Variants in NBAS observed in about 807,000 individuals in gnomAD.
The protein encoded by NBAS is NAG/BC035112 fusion.
A neutral mutation model predicts 302.5 loss-of-function variants in NBAS; 219 were observed. That is an observed-to-expected ratio of 0.72 (90% CI 0.65 to 0.81). The LOEUF (loss-of-function observed/expected upper bound fraction) is 0.81, where lower values mean the gene tolerates loss of function less well. NBAS is among the 30% of genes least tolerant of loss of function. The pLI is 0.00. For synonymous variants in NBAS, 1,118 were observed against 1,021.6 expected (o/e 1.09, Z -1.80); for missense variants, 2,932 against 2,841.6 (o/e 1.03, Z -0.72).
the NBAS span, among the ~76,000 whole-genome samples, chr2:15,025,592 T>C: frequency 6.6e-6 from 1 of 152,216 alleles, no homozygotes; most frequent in Non-Finnish European, 1.5e-5. Context: ...TTCTTATCCA[T>C]GAGGATGGAA....
At chr2:15,168,074 T>C (rs2125096426) in intron 51 of NBAS, among the ~76,000 whole-genome samples, 1 of 152,348 alleles carries the variant, frequency 6.6e-6, no homozygotes, top group South Asian at 2.1e-4. Flanking sequence ...TAAATATATG[T>C]ATTATTTTCA....
the NBAS span, among the ~76,000 whole-genome samples, chr2:14,993,568 A>G: frequency 1.3e-5 from 2 of 152,236 alleles, no homozygotes; most frequent in African/African-American, 2.4e-5. Flanking sequence ...AATTGGTCCA[A>G]ATAATTTTGA....
chr2:14,955,301 T>C, the NBAS span, among the ~76,000 whole-genome samples: 1 of 152,212 alleles, frequency 6.6e-6, no homozygotes, highest in East Asian at 1.9e-4. Context: ...CCCTGTGGCT[T>C]TGCAGCATAC....
the NBAS span, among the ~76,000 whole-genome samples, chr2:14,889,177 T>C: frequency 6.6e-6 from 1 of 152,208 alleles, no homozygotes. Context: ...CTTGATAATG[T>C]GTTTTGATGG....
At chr2:14,941,619 G>A in the NBAS span, among the ~76,000 whole-genome samples, 2 of 152,196 alleles carry the variant, frequency 1.3e-5, no homozygotes, top group African/African-American at 4.8e-5. Flanking sequence ...GGTGACTGCT[G>A]TTCAGGCTGC....
chr2:15,068,470 G>C, the NBAS span, among the ~76,000 whole-genome samples: 1 of 152,210 alleles, frequency 6.6e-6, no homozygotes, highest in African/African-American at 2.4e-5. Flanking sequence ...TCTAGACCAG[G>C]ATGAGAGGCA....
Position 15,473,968 on chromosome 2 carries a change from C to T in NBAS, c.1599+99G>A, listed in dbSNP as rs373918474. 3.7e-5 allele frequency: 52 copies of T among 1,403,642 alleles called. No individual in the cohort carries two copies. In the African/African-American group the frequency reaches 5.2e-4, roughly 14 times the overall value. The allele number at this position is 1,403,642 out of a possible 1,614,324, so 86.9% of individuals were successfully genotyped here. On this transcript the variant is annotated intron_variant, in intron 15 of 51. Transcript: ENST00000281513. ...TTTAACATGTCAATGATCCAACATC[C>T]CTCTTGAAATTTTCTCCTTTATTAA...
chr2:15,134,179 G>A, the NBAS span, among the ~76,000 whole-genome samples: 4 of 151,960 alleles, frequency 2.6e-5, no homozygotes, highest in Admixed American at 2.6e-4. Context: ...GCCTTTGGGG[G>A]ATGATAAGAT....
intron 21 of NBAS, among the ~76,000 whole-genome samples, chr2:15,452,324 G>A (rs59135666): frequency 0.61 from 91,979 of 152,002 alleles, 28,821 homozygotes; most frequent in Non-Finnish European, 0.68. Context: ...GGATGGGCAC[G>A]GTGGCTCACG....
At chr2:15,430,701 A>G (rs1279958160) in intron 21 of NBAS, among the ~76,000 whole-genome samples, 1 of 152,242 alleles carries the variant, frequency 6.6e-6, no homozygotes, top group Admixed American at 6.5e-5. Flanking sequence ...AACTGCCTGT[A>G]GAAAGGACAT....
rs1553349166 is a variant in NBAS at position 15,237,608 on chromosome 2, T to TTATTTATC, written c.5943+859_5943+860insGATAAATA. 6.4e-4 allele frequency among the ~76,000 whole-genome samples: 86 copies of TTATTTATC among 134,216 alleles called. 1 individual carries two copies. The highest frequency in any genetic ancestry group is 2.1e-3 in the Admixed American group (28 of 13,422). 88.1% of individuals were successfully genotyped at this position (134,216 alleles called of 152,430 possible). On this transcript the variant is annotated intron_variant, in intron 45 of 51. Transcript: ENST00000281513. ...TTTATTTATTTATTTATTTATTTAT[T>TTATTTATC]TATCTGAGACAGAGTCTCGCTCTGT...
chr2:15,079,844 T>C, the NBAS span, among the ~76,000 whole-genome samples: 3 of 152,200 alleles, frequency 2.0e-5, no homozygotes, highest in Non-Finnish European at 2.9e-5. Flanking sequence ...AGCTAGTTTC[T>C]AGCTCCAAAG....
the NBAS span, among the ~76,000 whole-genome samples, chr2:15,034,028 AGG>A: frequency 0.074 from 2,023 of 27,478 alleles, 72 homozygotes; most frequent in East Asian, 0.34. Flanking sequence ...GAAGAAGAAG[AGG>A]AGGAGGAAGG....
chr2:14,989,466 G>A, the NBAS span, among the ~76,000 whole-genome samples: 1 of 152,152 alleles, frequency 6.6e-6, no homozygotes, highest in East Asian at 1.9e-4. Context: ...TCTGAGGCAG[G>A]AGAATCGCCT....
the NBAS span, among the ~76,000 whole-genome samples, chr2:14,949,795 G>T: frequency 6.6e-6 from 1 of 152,144 alleles, no homozygotes; most frequent in Non-Finnish European, 1.5e-5. Flanking sequence ...GCCAAGTACA[G>T]AAAGGCAAAT....
chr2:15,355,204 C>T (rs1296255907), intron 33 of NBAS, among the ~76,000 whole-genome samples: 1 of 152,140 alleles, frequency 6.6e-6, no homozygotes, highest in East Asian at 1.9e-4. Context: ...TTAACCACTC[C>T]CTAATTAATG....
the NBAS span, among the ~76,000 whole-genome samples, chr2:14,888,112 C>T: frequency 1.1e-4 from 17 of 151,786 alleles, no homozygotes; most frequent in South Asian, 2.1e-4. Flanking sequence ...CTGAGAAGAA[C>T]GTTTTATCCC....
At chr2:15,253,356 C>T (rs1026202737) in intron 44 of NBAS, among the ~76,000 whole-genome samples, 2 of 152,154 alleles carry the variant, frequency 1.3e-5, no homozygotes, top group Middle Eastern at 3.4e-3. Context: ...CCAAGCTATA[C>T]CTGCAAAAGC....
chr2:15,247,716 A>ATC (rs1201851066), intron 44 of NBAS, among the ~76,000 whole-genome samples: 10 of 141,194 alleles, frequency 7.1e-5, no homozygotes, highest in East Asian at 2.4e-4. Flanking sequence ...ATATATATCT[A>ATC]TATATACCTC....
Sources: allele counts gnomAD v4.1 joint callset (sites outside exome capture counted in the v4.1 genomes callset), GRCh38; gene constraint gnomAD v4.1.1; transcripts MANE v1.5; gene names NCBI Gene and HGNC (gene_info 2026-07-23, HGNC 2026-07-21).